The following HEATR5B variants were observed in gnomAD, a reference collection of about 807,000 sequenced individuals.
The protein encoded by HEATR5B is HEAT repeat containing 5B, also known as HEAT repeat-containing protein 5B.
In HEATR5B, 156 loss-of-function variants were observed where a neutral mutation model predicts 224.1. The observed-to-expected ratio is 0.70, with a 90% confidence interval of 0.61 to 0.80. The LOEUF (loss-of-function observed/expected upper bound fraction) is 0.80. Among genes scored for constraint, HEATR5B ranks in the 30% least tolerant of loss-of-function variants. The pLI, the probability that HEATR5B is intolerant of heterozygous loss-of-function variation, is 0.00. For synonymous variants in HEATR5B, 1,027 were observed against 893.0 expected, an observed-to-expected ratio of 1.15 and a Z score of -2.68; for missense variants, 2,323 against 2,535.5, an observed-to-expected ratio of 0.92 and a Z score of 1.80.
At chr2:37,029,399 C>A (rs570425358) in intron 22 of HEATR5B, among the ~76,000 whole-genome samples, 1 of 152,380 alleles carries the variant, frequency 6.6e-6, no homozygotes, top group East Asian at 1.9e-4. Flanking sequence ...CGCAGTGGCT[C>A]ACGCCTGTAA....
intron 17 of HEATR5B, among the ~76,000 whole-genome samples, chr2:37,051,201 C>G (rs963578693): frequency 1.3e-5 from 2 of 151,580 alleles, no homozygotes; most frequent in African/African-American, 4.8e-5. Context: ...GCTAAAAATA[C>G]AAAAATTAGC....
chr2:37,012,760 A>G (rs1667866990), intron 27 of HEATR5B, among the ~76,000 whole-genome samples: 2 of 152,174 alleles, frequency 1.3e-5, no homozygotes. Context: ...GACAGCACTG[A>G]GCTTCACACA....
chr2:37,076,656 A>AT (rs1296945917), intron 4 of HEATR5B, among the ~76,000 whole-genome samples: 4 of 143,552 alleles, frequency 2.8e-5, no homozygotes. Context: ...AAAAAAAAGA[A>AT]AAAAAAAAAA....
intron 33 of HEATR5B, among the ~76,000 whole-genome samples, chr2:36,991,510 A>C (rs890869989): frequency 1.3e-5 from 2 of 152,108 alleles, no homozygotes; most frequent in African/African-American, 4.8e-5. Flanking sequence ...AAAAAAAAAA[A>C]AAAACTTGGA....
intron 32 of HEATR5B, among the ~76,000 whole-genome samples, chr2:37,001,497 T>C (rs1350689514): frequency 6.6e-6 from 1 of 152,128 alleles, no homozygotes; most frequent in African/African-American, 2.4e-5. Context: ...TATCTCTTTA[T>C]CTGATACCAT....
Position 37,060,718 on chromosome 2 carries a change from C to T in HEATR5B, c.1712G>A (p.Arg571His). ...TAACAACATCTTGGGCAGATGGTAA[C>T]GAACGACAGATGGTCCTAGCCAAGA... is the stretch of plus-strand genomic sequence containing the variant. Reference protein sequence around the residue: ...ALMTLGPSVVRYHLPKMLLLW... With the variant: ...ALMTLGPSVVHYHLPKMLLLW... Residue 571 changes from arginine to histidine, a missense_variant, in exon 12 of 36, where the codon CGT (arginine) becomes CAT (histidine). By Grantham distance (29) the Arg-to-His change is conservative (BLOSUM62 0). Around this residue, in one of 12 missense-constraint regions of HEATR5B, gnomAD observed 502 missense variants for 517.8 expected, o/e 0.97. Coordinates refer to ENST00000233099, the MANE Select transcript of HEATR5B (RefSeq NM_019024.3). The T allele has an allele frequency of 1.2e-6, 2 of 1,613,096 alleles. No homozygotes were observed. The highest frequency in any genetic ancestry group is 1.7e-6 in the Non-Finnish European group (2 of 1,179,472).
At chr2:37,014,925 C>T (rs963782244) in intron 26 of HEATR5B, among the ~76,000 whole-genome samples, 2 of 151,346 alleles carry the variant, frequency 1.3e-5, no homozygotes, top group African/African-American at 2.4e-5. Context: ...TGCAGTGAGC[C>T]GAGATCGCAC....
intron 27 of HEATR5B, among the ~76,000 whole-genome samples, chr2:37,010,803 A>G (rs1293757563): frequency 6.6e-6 from 1 of 152,050 alleles, no homozygotes; most frequent in Non-Finnish European, 1.5e-5. Context: ...ATTTTTAAGA[A>G]AATGTCACAA....
At chr2:36,988,403 CAGGTGTG>C in intron 35 of HEATR5B, among the ~76,000 whole-genome samples, 1 of 151,992 alleles carries the variant, frequency 6.6e-6, no homozygotes, top group Non-Finnish European at 1.5e-5. Flanking sequence ...GCTGGGACAG[CAGGTGTG>C]CGCCACACAC....
At chr2:37,049,986 G>C in intron 17 of HEATR5B, 143 bp from the exon 18 acceptor site, 1 of 748,684 alleles carries the variant, frequency 1.3e-6, no homozygotes. Flanking sequence ...GACCTTCTGA[G>C]CTCAAGCAAT....
chr2:37,020,590 C>T, intron 25 of HEATR5B, 65 bp downstream of exon 25: 1 of 1,225,112 alleles, frequency 8.2e-7, no homozygotes, highest in Non-Finnish European at 1.1e-6. Flanking sequence ...TCCAGGAAGT[C>T]TGCACTTCTT....
At chr2:36,987,054 A>G (rs891975922) in intron 35 of HEATR5B, among the ~76,000 whole-genome samples, 10 of 152,140 alleles carry the variant, frequency 6.6e-5, no homozygotes, top group African/African-American at 2.2e-4. Flanking sequence ...CGCCTGGCCA[A>G]TTAAAAGTCT....
In HEATR5B at chr2:37,070,381, C is replaced by G; in HGVS notation, c.776G>C (p.Arg259Pro). 2 of 1,611,974 alleles carry G rather than the reference C, an allele frequency of 1.2e-6. No individual in the cohort carries two copies. Among genetic ancestry groups the G allele is most frequent in the Non-Finnish European group, 1.7e-6 (2 of 1,178,736 alleles). The change falls in exon 7 of 36, where the codon CGT becomes CCT. Residue 259 changes from arginine to proline, a missense_variant. By Grantham distance (103) the Arg-to-Pro change is moderately radical. Coordinates refer to ENST00000233099, the MANE Select transcript of HEATR5B (RefSeq NM_019024.3). ...AAATGTTGCTCGCTTCACATTCTGA[C>G]GCATTACTTTCAAGAAGAAAAATTA... ...ALMPKQATVMRQNVKRATFDE... is the reference protein window; with the variant it reads ...ALMPKQATVMPQNVKRATFDE...
At position 37,072,205 on chromosome 2, in the gene HEATR5B, T is replaced by C. The variant is rs1189389649; in HGVS notation, c.674A>G (p.Lys225Arg). Residue 225 changes from lysine (K) to arginine (R), a missense_variant, in exon 6 of 36, where the codon AAG (lysine) becomes AGG (arginine). Coordinates refer to ENST00000233099, the MANE Select transcript of HEATR5B (RefSeq NM_019024.3). The part of the protein sequence containing the change: ...ELENIATLCF[K>R]ALENSNYGVR... ...CCCATAATTTGAGTTTTCCAAAGCC[T>C]TAAAGCAGAGAGTGGCTATATTTTC... 2 of 1,613,892 alleles carry C rather than the reference T, an allele frequency of 1.2e-6. No individual in the cohort carries two copies. Among genetic ancestry groups the C allele is most frequent in the Non-Finnish European group, 8.5e-7 (1 of 1,179,796 alleles).
intron 33 of HEATR5B, among the ~76,000 whole-genome samples, chr2:36,998,686 CTATA>C (rs1051847989): frequency 1.3e-5 from 2 of 151,968 alleles, no homozygotes; most frequent in Non-Finnish European, 2.9e-5. Flanking sequence ...ATGACAGAAA[CTATA>C]TGGGAGTTAA....
chr2:37,084,132 G>A (rs1672818683), intron 1 of HEATR5B, 137 bp downstream of exon 1: 1 of 179,556 alleles, frequency 5.6e-6, no homozygotes, highest in Non-Finnish European at 1.2e-5. Flanking sequence ...ATAGCACGAG[G>A]CGGCAGCTCG....
chr2:37,027,958 G>T lies in HEATR5B; in HGVS notation c.3818C>A (p.Ala1273Asp), dbSNP rs1668884711. 6.2e-7 allele frequency: 1 copy of T among 1,614,122 alleles called. No homozygotes were observed. The highest frequency in any genetic ancestry group is 2.2e-5 in the East Asian group (1 of 44,890). ...ENADQAHFDL[A>D]LARSAKLRNP... ...TCGAAGTTTAGCAGAACGTGCCAAGGCAAGATCAAAGTGAGCCTGGTCTGC... is the reference window on the plus strand; with the variant it reads ...TCGAAGTTTAGCAGAACGTGCCAAGTCAAGATCAAAGTGAGCCTGGTCTGC... Residue 1273 changes from alanine to aspartate, a missense_variant, in exon 24 of 36, where the codon GCC (alanine) becomes GAC (aspartate). Physicochemically the swap from Ala to Asp is moderately radical, Grantham distance 126. Transcript: ENST00000233099.
At chr2:37,025,044 A>C (rs1668681518) in intron 24 of HEATR5B, among the ~76,000 whole-genome samples, 1 of 152,182 alleles carries the variant, frequency 6.6e-6, no homozygotes, top group Non-Finnish European at 1.5e-5. Flanking sequence ...AAAGCATAGG[A>C]GATAGGAAGA....
At chr2:37,082,385 T>C (rs1672638017) in intron 2 of HEATR5B, among the ~76,000 whole-genome samples, 1 of 152,144 alleles carries the variant, frequency 6.6e-6, no homozygotes, top group Non-Finnish European at 1.5e-5. Context: ...GGGCCATATC[T>C]ACTTTTAAAG....
Sources: gnomAD v4.1 joint callset for allele counts (sites outside exome capture counted in the v4.1 genomes callset) on GRCh38, gnomAD v4.1.1 for gene constraint, gnomAD v4.1.1 regional missense constraint, MANE v1.5 for transcripts, NCBI Gene and HGNC (gene_info 2026-07-23, HGNC 2026-07-21) for gene names.